CCDC92B: variants seen among roughly 807,000 people sequenced by gnomAD.
The protein encoded by CCDC92B is coiled-coil domain-containing 92B.
CCDC92B carries 2 observed loss-of-function variants against 5.6 expected under a neutral mutation model. The ratio of observed to expected loss-of-function variants is 0.36; its 90% CI spans 0.15 to 1.12. CCDC92B has a LOEUF of 1.12. Ranked by LOEUF, CCDC92B falls within the 50% of genes most tolerant of loss-of-function variation. CCDC92B has a pLI of 0.40. For synonymous variants in CCDC92B, 115 were observed against 122.3 expected, an observed-to-expected ratio of 0.94 and a Z score of 0.39; for missense variants, 271 against 262.2, an observed-to-expected ratio of 1.03 and a Z score of -0.23.
At chr17:2,734,264 C>T (rs2151741178) in intron 2 of CCDC92B, among the ~76,000 whole-genome samples, 1 of 152,260 alleles carries the variant, frequency 6.6e-6, no homozygotes, top group East Asian at 1.9e-4. Flanking sequence ...ACCCCCTCCT[C>T]TGGGGAGCCT....
At chr17:2,731,449 T>C (rs56239459) in intron 2 of CCDC92B, among the ~76,000 whole-genome samples, 12,548 of 152,162 alleles carry the variant, frequency 0.082, 738 homozygotes, top group Non-Finnish European at 0.11. Flanking sequence ...TGTGTACACC[T>C]GCAGGGACAC....
At chr17:2,746,337 C>CA (rs1445001435) in intron 1 of CCDC92B, among the ~76,000 whole-genome samples, 26 of 152,058 alleles carry the variant, frequency 1.7e-4, no homozygotes, top group Non-Finnish European at 5.9e-5. Context: ...AAATTGTTAC[C>CA]AAAAATATTA....
Position 2,724,277 on chromosome 17 carries a change from A to G in CCDC92B, c.*134T>C, listed in dbSNP as rs2070697087. The G allele has an allele frequency of 3.0e-6, 3 of 984,592 alleles. No homozygotes were observed. The South Asian group carries it at 1.4e-4, about 46-fold the overall frequency. 61.0% of individuals were successfully genotyped at this position (984,592 alleles called of 1,614,324 possible). ...GCTGGCGGTTCGGGGATTTGGGGGG[A>G]GCCGGGGCCGCCTCGCCCCGCTTCC... On this transcript the variant is annotated 3_prime_UTR_variant, in exon 4 of 4. Transcript: ENST00000614400. The surrounding 1 kb of genome is among the most constrained non-coding windows in gnomAD (Gnocchi z 5.0).
chr17:2,730,585 G>T lies in CCDC92B; in HGVS notation c.131-92C>A, dbSNP rs745322794. On this transcript the variant is annotated intron_variant, in intron 2 of 3. Coordinates refer to ENST00000614400, the MANE Select transcript of CCDC92B (RefSeq NM_001355573.2). Reference sequence around the variant, plus strand: ...TGTGAGAGAGAGAGAGAGAGAGAGAGATCATGGAATTACAGCTCAGTAAAG... The same window carrying T: ...TGTGAGAGAGAGAGAGAGAGAGAGATATCATGGAATTACAGCTCAGTAAAG... 1.9e-3 allele frequency: 954 copies of T among 502,646 alleles called. 8 individuals carry two copies. The highest frequency in any genetic ancestry group is 5.4e-3 in the Admixed American group (78 of 14,484). The allele number at this position is 502,646 out of a possible 1,614,324, so 31.1% of individuals were successfully genotyped here.
chr17:2,748,241 C>T, intron 1 of CCDC92B: 1 of 739,458 alleles, frequency 1.4e-6, no homozygotes, highest in Non-Finnish European at 2.1e-6. Flanking sequence ...TTACTATATC[C>T]ACCCTATCTC....
At chr17:2,735,434 T>G (rs1389507357) in intron 1 of CCDC92B, among the ~76,000 whole-genome samples, 1 of 152,082 alleles carries the variant, frequency 6.6e-6, no homozygotes, top group African/African-American at 2.4e-5. Flanking sequence ...CCATGTAACT[T>G]TTTTTCTTTT....
At position 2,724,651 on chromosome 17, in the gene CCDC92B, C is replaced by G; in HGVS notation, c.528G>C (p.Pro176=). ...PRRRALRARR[P]PAAHEAAAKG... ...TGGCGGCGGCCTCGTGGGCAGCAGG[C>G]GGGCGGCGGGCTCGCAGTGCGCGGC... is the stretch of plus-strand genomic sequence containing the variant. The change falls in exon 4 of 4, where the codon CCG becomes CCC. Residue 176 remains proline, a synonymous_variant. Transcript: ENST00000614400. This position sits in a 1 kb window ranked among gnomAD's most constrained non-coding sequence, Gnocchi z 5.0. 2.0e-6 allele frequency: 2 copies of G among 981,464 alleles called. No homozygotes were observed. The highest frequency in any genetic ancestry group is 2.4e-6 in the Non-Finnish European group (2 of 828,168). 60.8% of individuals were successfully genotyped at this position (981,464 alleles called of 1,614,324 possible). A position where few individuals can be genotyped will look rare whatever the true frequency, so the allele number is the denominator to read the frequency against.
rs1486036833 is a variant in CCDC92B, at chr17:2,725,016, G to T, written c.179-16C>A. On this transcript the variant is annotated splice_polypyrimidine_tract_variant and intron_variant, in intron 3 of 3. Transcript: ENST00000614400. ...GACGCCGCCTCTGGAACGGGGCAGA[G>T]GCCAGAGGTGACGGTCTCCCCCTGG... 2.0e-6 allele frequency: 2 copies of T among 985,352 alleles called. No individual in the cohort carries two copies. Among genetic ancestry groups the T allele is most frequent in the Non-Finnish European group, 2.4e-6 (2 of 829,956 alleles). 61.0% of individuals were successfully genotyped at this position (985,352 alleles called of 1,614,324 possible).
chr17:2,729,262 G>A lies in CCDC92B; in HGVS notation c.178+1184C>T, dbSNP rs890201225. ...TTCCAGCACTTTGCAAGGCTGAGGC[G>A]GGTGGATCACCTGAGGTCAAGAGTT... On this transcript the variant is annotated intron_variant, in intron 3 of 3. Transcript: ENST00000614400. 2.5e-4 allele frequency among the ~76,000 whole-genome samples: 38 copies of A among 152,218 alleles called. No homozygotes were observed. The Middle Eastern group carries it at 0.01, about 41-fold the overall frequency.
At chr17:2,731,262 C>T (rs1267200079) in intron 2 of CCDC92B, among the ~76,000 whole-genome samples, 1 of 152,136 alleles carries the variant, frequency 6.6e-6, no homozygotes, top group Non-Finnish European at 1.5e-5. Context: ...CTGCCTGTCC[C>T]CCCAGTCTCC....
intron 1 of CCDC92B, among the ~76,000 whole-genome samples, chr17:2,745,416 G>A (rs1248663303): frequency 2.6e-5 from 4 of 152,192 alleles, no homozygotes; most frequent in East Asian, 1.9e-4. Context: ...CCTGGCCACC[G>A]TGAGAGACTG....
In CCDC92B at chr17:2,724,941, G is replaced by A. The variant is rs995417080; in HGVS notation, c.238C>T (p.Arg80Cys). 7.1e-6 allele frequency: 7 copies of A among 985,524 alleles called. No individual in the cohort carries two copies. The highest frequency in any genetic ancestry group is 7.2e-6 in the Non-Finnish European group (6 of 830,020). 61.0% of individuals were successfully genotyped at this position (985,524 alleles called of 1,614,324 possible). A position where few individuals can be genotyped will look rare whatever the true frequency, so the allele number is the denominator to read the frequency against. ...CRALESQLEA[R>C]AAANAELRRE... ...CGCAGCTCCGCGTTGGCCGCAGCAC[G>A]CGCCTCCAGCTGCGACTCCAGCGCG... Residue 80 changes from arginine (R) to cysteine (C), a missense_variant, in exon 4 of 4, where the codon CGT (arginine) becomes TGT (cysteine). Transcript: ENST00000614400. The surrounding 1 kb of genome is among the most constrained non-coding windows in gnomAD (Gnocchi z 5.0).
chr17:2,748,333 A>G (rs1018237719), intron 1 of CCDC92B: 7 of 973,298 alleles, frequency 7.2e-6, no homozygotes, highest in Middle Eastern at 5.2e-4. Context: ...TCCCCCACCA[A>G]GATGGAACGA....
intron 3 of CCDC92B, 39 bp from the exon 4 acceptor site, chr17:2,725,039 T>A: frequency 1.0e-6 from 1 of 984,578 alleles, no homozygotes; most frequent in South Asian, 4.7e-5. Flanking sequence ...GGTCTCCCCC[T>A]GGCTTGGAAC....
intron 2 of CCDC92B, among the ~76,000 whole-genome samples, chr17:2,733,081 A>G (rs959572147): frequency 6.6e-6 from 1 of 150,570 alleles, no homozygotes; most frequent in African/African-American, 2.4e-5. Flanking sequence ...AAAAAAACCA[A>G]GGGGTTTCAG....
At chr17:2,742,420 G>A (rs1597245501) in intron 1 of CCDC92B, among the ~76,000 whole-genome samples, 2 of 152,302 alleles carry the variant, frequency 1.3e-5, no homozygotes, top group Admixed American at 6.5e-5. Flanking sequence ...TGGATGAGAT[G>A]ATGGAGGTGA....
intron 1 of CCDC92B, among the ~76,000 whole-genome samples, chr17:2,745,886 C>G (rs2070980001): frequency 6.6e-6 from 1 of 152,208 alleles, no homozygotes. Context: ...TCCTGAGCAC[C>G]TCAGAGCCTG....
chr17:2,737,245 G>T (rs982713412), intron 1 of CCDC92B, among the ~76,000 whole-genome samples: 1 of 152,030 alleles, frequency 6.6e-6, no homozygotes, highest in African/African-American at 2.4e-5. Context: ...GGAATGTCCT[G>T]GGCAGTGGGA....
chr17:2,739,960 G>C (rs922257488), intron 1 of CCDC92B, among the ~76,000 whole-genome samples: 4 of 152,000 alleles, frequency 2.6e-5, no homozygotes, highest in Non-Finnish European at 5.9e-5. Flanking sequence ...GGGGTGAAGA[G>C]AAGAGAATCA....
Sources: gnomAD v4.1 joint callset for allele counts (sites outside exome capture counted in the v4.1 genomes callset) on GRCh38, gnomAD v4.1.1 for gene constraint, Gnocchi (gnomAD v3.1) non-coding constraint, MANE v1.5 for transcripts, NCBI Gene and HGNC (gene_info 2026-07-23, HGNC 2026-07-21) for gene names.